Variants in ADGRL3 observed in about 807,000 individuals in gnomAD.
The protein encoded by ADGRL3 is adhesion G protein-coupled receptor L3.
Under a neutral mutation model 153.5 loss-of-function variants are expected in ADGRL3, and 62 were observed. The observed-to-expected ratio is 0.40, with a 90% CI of 0.33 to 0.50. The LOEUF (loss-of-function observed/expected upper bound fraction) is 0.50, where lower values mean the gene tolerates loss of function less well. Among genes scored for constraint, ADGRL3 ranks in the 20% least tolerant of loss-of-function variants. The pLI is 0.47. For synonymous variants in ADGRL3, 710 were observed against 672.5 expected (o/e 1.06, Z -0.86); for missense variants, 1,641 against 1,859.4 (o/e 0.88, Z 2.16).
intron 5 of ADGRL3, among the ~76,000 whole-genome samples, chr4:61,670,139 C>CA (rs2094941594): frequency 6.6e-6 from 1 of 152,018 alleles, no homozygotes; most frequent in Non-Finnish European, 1.5e-5. Flanking sequence ...ACTAAAAATA[C>CA]AAAAATAAGC....
intron 4 of ADGRL3, among the ~76,000 whole-genome samples, chr4:61,529,589 T>C (rs945461702): frequency 2.0e-5 from 3 of 152,162 alleles, no homozygotes; most frequent in South Asian, 2.1e-4. Context: ...TATAAGTTAG[T>C]GGATTGGGGC....
intron 1 of ADGRL3, among the ~76,000 whole-genome samples, chr4:61,293,074 C>T (rs985609977): frequency 6.6e-6 from 1 of 152,118 alleles, no homozygotes; most frequent in Non-Finnish European, 1.5e-5. Context: ...CTTGCCTTAG[C>T]AGAGCAGGGC....
intron 5 of ADGRL3, among the ~76,000 whole-genome samples, chr4:61,672,785 A>C (rs1046629528): frequency 6.6e-6 from 1 of 152,012 alleles, no homozygotes; most frequent in African/African-American, 2.4e-5. Context: ...AAAATTAAAA[A>C]TAGAACTACC....
intron 17 of ADGRL3, among the ~76,000 whole-genome samples, chr4:61,951,161 A>G (rs1342979555): frequency 6.6e-6 from 1 of 152,202 alleles, no homozygotes; most frequent in Non-Finnish European, 1.5e-5. Flanking sequence ...TACGAGTCTC[A>G]ATATCCTACA....
intron 9 of ADGRL3, among the ~76,000 whole-genome samples, chr4:61,885,479 T>G (rs2098533273): frequency 6.6e-6 from 1 of 152,176 alleles, no homozygotes; most frequent in South Asian, 2.1e-4. Context: ...TAATGATAAT[T>G]AATAGTGCCT....
intron 5 of ADGRL3, among the ~76,000 whole-genome samples, chr4:61,653,659 T>C (rs2094347439): frequency 1.3e-5 from 2 of 152,238 alleles, no homozygotes; most frequent in Admixed American, 1.3e-4. Context: ...GTACACATAC[T>C]GTCCCTCAGC....
chr4:61,710,596 T>C (rs1387581249), intron 6 of ADGRL3, among the ~76,000 whole-genome samples: 4 of 152,194 alleles, frequency 2.6e-5, no homozygotes, highest in Admixed American at 2.0e-4. Flanking sequence ...AGCAAGGGAA[T>C]TGTATATTAT....
At chr4:61,794,051 A>T (rs539194612) in intron 8 of ADGRL3, among the ~76,000 whole-genome samples, 3 of 152,362 alleles carry the variant, frequency 2.0e-5, no homozygotes, top group Non-Finnish European at 4.4e-5. Context: ...AAAAGGTGCT[A>T]GGTGCTATTT....
At chr4:62,060,696 T>C (rs1739608104) in intron 25 of ADGRL3, among the ~76,000 whole-genome samples, 1 of 151,914 alleles carries the variant, frequency 6.6e-6, no homozygotes, top group African/African-American at 2.4e-5. Flanking sequence ...ACATCAACAA[T>C]ATAAATGTTT....
intron 3 of ADGRL3, among the ~76,000 whole-genome samples, chr4:61,501,689 T>A (rs1248104886): frequency 2.6e-5 from 4 of 152,180 alleles, no homozygotes; most frequent in Non-Finnish European, 4.4e-5. Flanking sequence ...TTTTGCATAA[T>A]CTCTACATGA....
At chr4:61,400,817 CAAA>C (rs67512824) in intron 2 of ADGRL3, among the ~76,000 whole-genome samples, 15 of 114,528 alleles carry the variant, frequency 1.3e-4, no homozygotes, top group Admixed American at 1.8e-4. Context: ...GCTAAAGTTA[CAAA>C]AAAAAAAAAA....
At chr4:61,818,255 A>G (rs957223954) in intron 9 of ADGRL3, among the ~76,000 whole-genome samples, 4 of 152,168 alleles carry the variant, frequency 2.6e-5, no homozygotes, top group African/African-American at 9.7e-5. Context: ...TACAACCACC[A>G]TGCAGGCCCA....
chr4:61,234,473 C>T (rs1225490421), intron 1 of ADGRL3, among the ~76,000 whole-genome samples: 1 of 152,016 alleles, frequency 6.6e-6, no homozygotes, highest in African/African-American at 2.4e-5. Context: ...TGGATGGGGA[C>T]ACAGCCAAAC....
chr4:61,376,714 G>A (rs10866117), intron 1 of ADGRL3, among the ~76,000 whole-genome samples: 99,150 of 151,956 alleles, frequency 0.65, 32,554 homozygotes, highest in Middle Eastern at 0.8. Flanking sequence ...TTATTTTCCT[G>A]TCTACAGCAG....
At chr4:61,612,214 A>C (rs2149698455) in intron 5 of ADGRL3, among the ~76,000 whole-genome samples, 1 of 152,318 alleles carries the variant, frequency 6.6e-6, no homozygotes, top group African/African-American at 2.4e-5. Context: ...GAAAGCAAGT[A>C]TAATACAATT....
At chr4:61,313,882 G>T (rs560164431) in intron 1 of ADGRL3, among the ~76,000 whole-genome samples, 1 of 152,036 alleles carries the variant, frequency 6.6e-6, no homozygotes, top group Non-Finnish European at 1.5e-5. Context: ...CCATCCCATC[G>T]CAGGGAGCAC....
intron 1 of ADGRL3, among the ~76,000 whole-genome samples, chr4:61,254,378 T>C (rs2091764134): frequency 6.6e-6 from 1 of 152,172 alleles, no homozygotes; most frequent in African/African-American, 2.4e-5. Context: ...AAGAAACTAT[T>C]AGTCCAGATT....
At chr4:61,866,981 A>T (rs1228326359) in intron 9 of ADGRL3, among the ~76,000 whole-genome samples, 2 of 152,186 alleles carry the variant, frequency 1.3e-5, no homozygotes, top group Non-Finnish European at 2.9e-5. Context: ...CACAGACCGT[A>T]TAAGGATTAT....
chr4:62,027,448 A>G (rs748562284), intron 21 of ADGRL3, among the ~76,000 whole-genome samples: 1 of 152,006 alleles, frequency 6.6e-6, no homozygotes, highest in Non-Finnish European at 1.5e-5. Context: ...TGAATTTTAA[A>G]CTTAATGTCA....
Sources: gnomAD v4.1 joint callset for allele counts (sites outside exome capture counted in the v4.1 genomes callset) on GRCh38, gnomAD v4.1.1 for gene constraint, MANE v1.5 for transcripts, NCBI Gene and HGNC (gene_info 2026-07-23, HGNC 2026-07-21) for gene names.